The following TEX10 variants were observed in gnomAD, a reference collection of about 807,000 sequenced individuals.
TEX10 encodes the protein testis expressed 10, also known as testis-expressed protein 10.
TEX10 carries 24 observed loss-of-function variants against 104.4 expected under a neutral mutation model. That is an observed-to-expected ratio of 0.23 (90% CI 0.17 to 0.32). The LOEUF (loss-of-function observed/expected upper bound fraction) is 0.32, where lower values mean the gene tolerates loss of function less well. Among genes scored for constraint, TEX10 ranks in the 10% least tolerant of loss-of-function variants. The pLI is 1.00. For missense variants in TEX10, 921 were observed against 1,083.9 expected (o/e 0.85, Z 2.11); for synonymous variants, 396 against 393.4 (o/e 1.01, Z -0.08).
At chr9:100,319,958 C>T (rs2118861388) in intron 11 of TEX10, among the ~76,000 whole-genome samples, 1 of 152,254 alleles carries the variant, frequency 6.6e-6, no homozygotes, top group South Asian at 2.1e-4. Context: ...TAAAAAGTCA[C>T]CTTCAAGGAT....
chr9:100,344,900 T>C (rs1262175879), intron 4 of TEX10, among the ~76,000 whole-genome samples: 1 of 152,148 alleles, frequency 6.6e-6, no homozygotes, highest in Non-Finnish European at 1.5e-5. Flanking sequence ...TGAATATTAC[T>C]TTTTCTTTTT....
At chr9:100,338,423 G>A (rs1835066839) in intron 5 of TEX10, among the ~76,000 whole-genome samples, 1 of 152,174 alleles carries the variant, frequency 6.6e-6, no homozygotes, top group South Asian at 2.1e-4. Flanking sequence ...CCTGCCTGAG[G>A]AGCATACCCT....
At chr9:100,316,894 TAAA>T (rs35651841) in intron 11 of TEX10, among the ~76,000 whole-genome samples, 4 of 53,466 alleles carry the variant, frequency 7.5e-5, no homozygotes, top group African/African-American at 2.4e-4. Context: ...TTATAATAGC[TAAA>T]AAAAAAAAAA....
intron 11 of TEX10, among the ~76,000 whole-genome samples, chr9:100,313,821 G>A (rs1182484356): frequency 2.0e-5 from 3 of 151,184 alleles, no homozygotes; most frequent in Admixed American, 6.6e-5. Flanking sequence ...CTCCGGCTTG[G>A]GCGACAGAGT....
At chr9:100,318,524 T>C (rs1834480939) in intron 11 of TEX10, among the ~76,000 whole-genome samples, 1 of 152,204 alleles carries the variant, frequency 6.6e-6, no homozygotes, top group Non-Finnish European at 1.5e-5. Context: ...GTGTACATTG[T>C]TGGGTGATAC....
chr9:100,347,739 T>C (rs992986077), intron 2 of TEX10, among the ~76,000 whole-genome samples: 2 of 152,194 alleles, frequency 1.3e-5, no homozygotes, highest in Admixed American at 6.5e-5. Flanking sequence ...GGTGTATATA[T>C]ATACTCTTGA....
chr9:100,317,354 C>T (rs1212040616), intron 11 of TEX10, among the ~76,000 whole-genome samples: 4 of 152,048 alleles, frequency 2.6e-5, no homozygotes, highest in Admixed American at 6.6e-5. Flanking sequence ...TATTTATAAC[C>T]AACTCAGCTT....
intron 11 of TEX10, among the ~76,000 whole-genome samples, chr9:100,319,289 A>C (rs1009230916): frequency 2.6e-5 from 4 of 152,192 alleles, no homozygotes; most frequent in Admixed American, 6.5e-5. Flanking sequence ...TTTAATTTCA[A>C]GTTTCATTAA....
intron 12 of TEX10, among the ~76,000 whole-genome samples, chr9:100,309,265 T>A (rs1391565731): frequency 6.6e-6 from 1 of 152,138 alleles, no homozygotes; most frequent in African/African-American, 2.4e-5. Flanking sequence ...GTCATTAGAG[T>A]TTGCTAATTC....
At chr9:100,303,395 AT>A (rs944661632) in intron 14 of TEX10, among the ~76,000 whole-genome samples, 6 of 150,918 alleles carry the variant, frequency 4.0e-5, no homozygotes, top group Non-Finnish European at 8.8e-5. Flanking sequence ...ATTGAGTTTG[AT>A]TATTTTAAGA....
intron 2 of TEX10, among the ~76,000 whole-genome samples, 185 bp downstream of exon 2, chr9:100,348,998 AG>A (rs1319150979): frequency 6.6e-6 from 1 of 152,212 alleles, no homozygotes; most frequent in Non-Finnish European, 1.5e-5. Flanking sequence ...ACGTTTCTGG[AG>A]GAAGTGGAAA....
intron 5 of TEX10, among the ~76,000 whole-genome samples, chr9:100,335,711 C>T (rs1834989037): frequency 6.6e-6 from 1 of 150,842 alleles, no homozygotes; most frequent in Admixed American, 6.6e-5. Flanking sequence ...AATGTCAAAA[C>T]AATGAAAAAT....
At chr9:100,350,349 G>C (rs1311067941) in intron 1 of TEX10, among the ~76,000 whole-genome samples, 1 of 152,058 alleles carries the variant, frequency 6.6e-6, no homozygotes, top group African/African-American at 2.4e-5. Context: ...TCTGAACACA[G>C]ATCTCATGAC....
Position 100,347,391 on chromosome 9 carries a change from T to A in TEX10, c.196A>T (p.Met66Leu). The A allele has an allele frequency of 6.3e-7, 1 of 1,576,370 alleles. No individual in the cohort carries two copies. The stretch of plus-strand genomic sequence containing the variant: ...TTAACCCCAGCATTGTAGTGATGCA[T>A]CTGTGACAGCAAATCCTATAAATAA... The part of the protein sequence containing the change: ...KLNIKDLLSQ[M>L]HHYNAGVKQS... The change falls in exon 3 of 15, where the codon ATG becomes TTG. Residue 66 changes from methionine (M) to leucine (L), a missense_variant. By Grantham distance (15) the Met-to-Leu change is conservative. Coordinates refer to ENST00000374902, the MANE Select transcript of TEX10 (RefSeq NM_017746.4).
At chr9:100,323,101 G>C (rs1834613020) in intron 9 of TEX10, among the ~76,000 whole-genome samples, 1 of 152,140 alleles carries the variant, frequency 6.6e-6, no homozygotes, top group African/African-American at 2.4e-5. Flanking sequence ...TTATCTTCTT[G>C]ACCTCAATGA....
intron 11 of TEX10, among the ~76,000 whole-genome samples, chr9:100,317,093 C>T (rs562226365): frequency 2.6e-5 from 4 of 151,948 alleles, no homozygotes; most frequent in East Asian, 1.9e-4. Context: ...TTAAATGAAA[C>T]GGCTGTCAAA....
chr9:100,312,566 C>T (rs116648032), intron 11 of TEX10, among the ~76,000 whole-genome samples: 1 of 152,270 alleles, frequency 6.6e-6, no homozygotes, highest in African/African-American at 2.4e-5. Context: ...AATAAGCACA[C>T]CTAAATTCCA....
intron 9 of TEX10, among the ~76,000 whole-genome samples, chr9:100,324,309 C>T (rs1205695614): frequency 6.6e-6 from 1 of 152,138 alleles, no homozygotes; most frequent in Non-Finnish European, 1.5e-5. Context: ...CTGGGATTTA[C>T]AGGTATGAGC....
rs200867588 is a variant in TEX10, at chr9:100,347,033, T to C, written c.554A>G (p.Asn185Ser). 4 of 1,614,056 alleles carry C rather than the reference T, an allele frequency of 2.5e-6. No individual in the cohort carries two copies. In the African/African-American group the frequency reaches 5.3e-5, roughly 22 times the overall value. The change falls in exon 3 of 15, where the codon AAT becomes AGT. Residue 185 changes from asparagine (N) to serine (S), a missense_variant. Coordinates refer to ENST00000374902, the MANE Select transcript of TEX10 (RefSeq NM_017746.4). The stretch of plus-strand genomic sequence containing the variant: ...CTGATGAGAAATAAGTTCTACAAAA[T>C]TCTTAAGCAATATGCTGCTACGGCC... ...ITGRSSILLKNFVELISHQQL... is the reference protein window; with the variant it reads ...ITGRSSILLKSFVELISHQQL...
Sources: gnomAD v4.1 joint callset for allele counts (sites outside exome capture counted in the v4.1 genomes callset) on GRCh38, gnomAD v4.1.1 for gene constraint, MANE v1.5 for transcripts, NCBI Gene and HGNC (gene_info 2026-07-23, HGNC 2026-07-21) for gene names.